EHBP1: variants seen among roughly 807,000 people sequenced by gnomAD.
EHBP1 encodes the protein EH domain binding protein 1, also known as EH domain-binding protein 1.
EHBP1 carries 55 observed loss-of-function variants against 144.0 expected under a neutral mutation model. That is an observed-to-expected ratio of 0.38 (90% CI 0.31 to 0.48). The LOEUF (loss-of-function observed/expected upper bound fraction) is 0.48, where lower values mean the gene tolerates loss of function less well. Among genes scored for constraint, EHBP1 ranks in the 20% least tolerant of loss-of-function variants. EHBP1 has a pLI of 0.98. For missense variants in EHBP1, 1,200 were observed against 1,364.2 expected, an observed-to-expected ratio of 0.88 and a Z score of 1.90; for synonymous variants, 469 against 472.7, an observed-to-expected ratio of 0.99 and a Z score of 0.10.
chr2:62,945,122 A>C (rs1475906507), intron 12 of EHBP1, among the ~76,000 whole-genome samples: 1 of 152,208 alleles, frequency 6.6e-6, no homozygotes, highest in African/African-American at 2.4e-5. Context: ...CGATATTTTC[A>C]TGTCATGCTA....
intron 10 of EHBP1, among the ~76,000 whole-genome samples, chr2:62,901,160 A>G (rs1199026302): frequency 6.6e-6 from 1 of 152,142 alleles, no homozygotes; most frequent in Non-Finnish European, 1.5e-5. Flanking sequence ...TGGACATAAG[A>G]TGTGTGAGTA....
intron 7 of EHBP1, among the ~76,000 whole-genome samples, chr2:62,855,030 G>T (rs1490351220): frequency 6.6e-6 from 1 of 152,180 alleles, no homozygotes; most frequent in Non-Finnish European, 1.5e-5. Flanking sequence ...GTGGACCTGG[G>T]CCTCCCACTG....
intron 10 of EHBP1, among the ~76,000 whole-genome samples, chr2:62,900,617 T>G (rs975760928): frequency 6.6e-6 from 1 of 151,210 alleles, no homozygotes; most frequent in Non-Finnish European, 1.5e-5. Flanking sequence ...TGAGACCCTG[T>G]CTTTAAAAAA....
Position 62,955,577 on chromosome 2 carries a change from G to A in EHBP1, c.2377G>A (p.Ala793Thr), listed in dbSNP as rs2057650411. Residue 793 changes from alanine to threonine, a missense_variant, in exon 14 of 23, where the codon GCA (alanine) becomes ACA (threonine). Transcript: ENST00000431489. ...AAGAGCAAGAGTTCTGCTTGAGCAA[G>A]CAAGAAGAGATGCAGCCTTAAAGGC... ...KERARVLLEQ[A>T]RRDAALKAGN... is the part of the protein sequence containing the mutation. 6.2e-7 allele frequency: 1 copy of A among 1,613,146 alleles called. No individual in the cohort carries two copies. Among genetic ancestry groups the A allele is most frequent in the South Asian group, 1.1e-5 (1 of 90,938 alleles).
intron 2 of EHBP1, among the ~76,000 whole-genome samples, chr2:62,734,224 A>G (rs554491175): frequency 6.6e-6 from 1 of 151,924 alleles, no homozygotes; most frequent in South Asian, 2.1e-4. Flanking sequence ...TAGTTTATCA[A>G]TATTACATCT....
At chr2:62,867,428 C>G (rs1403868060) in intron 9 of EHBP1, among the ~76,000 whole-genome samples, 1 of 152,058 alleles carries the variant, frequency 6.6e-6, no homozygotes, top group Non-Finnish European at 1.5e-5. Flanking sequence ...TTGTGTTTCT[C>G]TGTAGTCACA....
chr2:63,041,292 A>G (rs535884578), intron 21 of EHBP1, among the ~76,000 whole-genome samples: 2 of 152,182 alleles, frequency 1.3e-5, no homozygotes, highest in South Asian at 4.1e-4. Flanking sequence ...GGATCCCTCA[A>G]GCTAACAAAC....
rs937462992 is a variant in EHBP1 at position 62,938,025 on chromosome 2, G to T, written c.1186-4693G>T. ...AACCTTACAAAATATGAGCAAAACT[G>T]CCTGCAAAATTAACTAGTAAGAGAT... is the stretch of plus-strand genomic sequence containing the variant. On this transcript the variant is annotated intron_variant, in intron 10 of 22. Coordinates refer to ENST00000431489, the MANE Select transcript of EHBP1 (RefSeq NM_001142616.3). Among the ~76,000 whole-genome samples the T allele has an allele frequency of 6.6e-5, 10 of 152,112 alleles. 1 individual carries two copies. Among genetic ancestry groups the T allele is most frequent in the Non-Finnish European group, 1.3e-4 (9 of 68,008 alleles).
rs189660524 is a variant in EHBP1, at chr2:62,972,559, A to T, written c.2461-6629A>T. Among the ~76,000 whole-genome samples, 104 of 152,322 alleles carry T rather than the reference A, an allele frequency of 6.8e-4. 1 individual carries two copies. Among genetic ancestry groups the T allele is most frequent in the Admixed American group, 2.4e-3 (36 of 15,298 alleles). Reference sequence around the variant, plus strand: ...GATGGCATAATCAATTACTATAATTACAAGCTTTTCCTTCATGACCTTAAC... The same window carrying T: ...GATGGCATAATCAATTACTATAATTTCAAGCTTTTCCTTCATGACCTTAAC... On this transcript the variant is annotated intron_variant, in intron 14 of 22. Coordinates refer to ENST00000431489, the MANE Select transcript of EHBP1 (RefSeq NM_001142616.3).
chr2:63,000,897 A>G (rs2059823559), intron 19 of EHBP1, among the ~76,000 whole-genome samples: 1 of 152,046 alleles, frequency 6.6e-6, no homozygotes, highest in Admixed American at 6.6e-5. Context: ...TAACTTTGTA[A>G]TGATTTCTTA....
intron 2 of EHBP1, among the ~76,000 whole-genome samples, chr2:62,736,202 T>C (rs2038104196): frequency 6.6e-6 from 1 of 151,716 alleles, no homozygotes; most frequent in Non-Finnish European, 1.5e-5. Context: ...CTGTTTTTTT[T>C]TTCAGTCTTT....
intron 13 of EHBP1, among the ~76,000 whole-genome samples, chr2:62,950,693 C>CT (rs146236066): frequency 0.1 from 15,414 of 150,228 alleles, 1,008 homozygotes; most frequent in Non-Finnish European, 0.14. Flanking sequence ...GTTGTTTTTT[C>CT]TTTTTTTTTG....
At chr2:63,032,340 G>A (rs532158252) in intron 19 of EHBP1, among the ~76,000 whole-genome samples, 2 of 151,520 alleles carry the variant, frequency 1.3e-5, no homozygotes, top group African/African-American at 2.4e-5. Context: ...AGGCGCAGGC[G>A]GGTGGATCAT....
chr2:62,957,641 CTT>C (rs1157397512), intron 14 of EHBP1, among the ~76,000 whole-genome samples: 46 of 87,172 alleles, frequency 5.3e-4, no homozygotes, highest in Non-Finnish European at 7.5e-4. Flanking sequence ...AAAATAAATG[CTT>C]TTTTTTTTTT....
At chr2:62,909,269 C>G (rs2054020837) in intron 10 of EHBP1, among the ~76,000 whole-genome samples, 1 of 152,040 alleles carries the variant, frequency 6.6e-6, no homozygotes, top group Non-Finnish European at 1.5e-5. Context: ...ACCTCCACCT[C>G]CCAGGCTCTC....
chr2:62,728,338 C>T (rs772531957), intron 2 of EHBP1, among the ~76,000 whole-genome samples: 1 of 152,140 alleles, frequency 6.6e-6, no homozygotes, highest in Non-Finnish European at 1.5e-5. Flanking sequence ...CCAAAGTGGC[C>T]GCATCATTTC....
intron 5 of EHBP1, among the ~76,000 whole-genome samples, chr2:62,803,313 C>T (rs986084339): frequency 6.6e-6 from 1 of 151,672 alleles, no homozygotes; most frequent in East Asian, 1.9e-4. Context: ...TGGAACTGTT[C>T]AGTCAAAAGG....
intron 4 of EHBP1, among the ~76,000 whole-genome samples, chr2:62,768,392 T>C (rs1415806807): frequency 6.6e-6 from 1 of 152,100 alleles, no homozygotes; most frequent in Non-Finnish European, 1.5e-5. Context: ...GAACACCTCT[T>C]TGCACACAAA....
At chr2:62,862,829 C>G (rs888802725) in intron 8 of EHBP1, among the ~76,000 whole-genome samples, 2 of 151,860 alleles carry the variant, frequency 1.3e-5, no homozygotes, top group African/African-American at 2.4e-5. Context: ...TGAAATTTTC[C>G]TACAATTTGA....
Sources: allele counts gnomAD v4.1 joint callset (sites outside exome capture counted in the v4.1 genomes callset), GRCh38; gene constraint gnomAD v4.1.1; transcripts MANE v1.5; gene names NCBI Gene and HGNC (gene_info 2026-07-23, HGNC 2026-07-21).